EGFLAM: variants seen among roughly 807,000 people sequenced by gnomAD.
EGFLAM encodes EGF like, fibronectin type III and laminin G domains.
In EGFLAM, 79 loss-of-function variants were observed where a neutral mutation model predicts 113.1. The observed-to-expected ratio is 0.70, with a 90% CI of 0.58 to 0.84. The LOEUF is 0.84. EGFLAM is among the 40% of genes least tolerant of loss of function. The pLI is 0.00. For synonymous variants in EGFLAM, 504 were observed against 487.6 expected (o/e 1.03, Z -0.44); for missense variants, 1,265 against 1,291.6 (o/e 0.98, Z 0.32).
At chr5:38,445,380 A>G (rs920336081) in intron 17 of EGFLAM, 1 of 882,764 alleles carries the variant, frequency 1.1e-6, no homozygotes, top group Non-Finnish European at 1.5e-6. Context: ...GGAGCCTCAG[A>G]AGTGTCAGAC....
At chr5:38,435,057 C>G (rs764782433) in intron 15 of EGFLAM, 80 bp from the exon 16 acceptor site, 6 of 1,208,630 alleles carry the variant, frequency 5.0e-6, no homozygotes, top group Non-Finnish European at 6.1e-6. Flanking sequence ...TGTTCCCCAA[C>G]AGGGAACTGA....
At chr5:38,413,603 C>T (rs1246013726) in intron 11 of EGFLAM, among the ~76,000 whole-genome samples, 2 of 152,130 alleles carry the variant, frequency 1.3e-5, no homozygotes, top group Admixed American at 6.5e-5. Context: ...GGATTAGCAG[C>T]CTGCCAGGGA....
chr5:38,338,489 T>C (rs537738666), intron 2 of EGFLAM, among the ~76,000 whole-genome samples: 1 of 152,314 alleles, frequency 6.6e-6, no homozygotes, highest in East Asian at 1.9e-4. Flanking sequence ...TTCATTGATA[T>C]GTGTCTTCCT....
rs565047342 is a variant in EGFLAM, at chr5:38,409,883, G to A, written c.1349+779G>A. The stretch of plus-strand genomic sequence containing the variant: ...TCTTCCTGGGGGGCAGAGTTTTGTC[G>A]AAGGGTGAAGATTTTAATGAGTCTT... On this transcript the variant is annotated intron_variant, in intron 10 of 21. Coordinates refer to ENST00000322350, the MANE Select transcript of EGFLAM (RefSeq NM_152403.4). 5.3e-5 allele frequency among the ~76,000 whole-genome samples: 8 copies of A among 152,236 alleles called. No individual in the cohort carries two copies. In the South Asian group the frequency reaches 6.2e-4, roughly 12 times the overall value.
At chr5:38,354,755 G>T (rs983632014) in intron 5 of EGFLAM, among the ~76,000 whole-genome samples, 12 of 152,260 alleles carry the variant, frequency 7.9e-5, no homozygotes, top group African/African-American at 2.6e-4. Context: ...AGTTTTTTAT[G>T]TTTTTATGGT....
chr5:38,406,908 G>T lies in EGFLAM; in HGVS notation c.909G>T (p.Lys303Asn). ...ESKKMSISNP[K>N]TISRLIPPTS... ...AGAAGATGTCTATATCTAACCCAAAGACCATTTCTAGGCTCATCCCCCCTA... is the reference window on the plus strand; with the variant it reads ...AGAAGATGTCTATATCTAACCCAAATACCATTTCTAGGCTCATCCCCCCTA... The change falls in exon 8 of 22, where the codon AAG (lysine) becomes AAT (asparagine). Residue 303 changes from lysine (K) to asparagine (N), a missense_variant. Physicochemically the swap from Lys to Asn is moderately conservative, Grantham distance 94 (BLOSUM62 0). Transcript: ENST00000322350. 1 of 1,614,202 alleles carries T rather than the reference G, an allele frequency of 6.2e-7. No individual in the cohort carries two copies. The highest frequency in any genetic ancestry group is 8.5e-7 in the Non-Finnish European group (1 of 1,180,046).
chr5:38,375,450 T>C (rs541792339), intron 6 of EGFLAM, among the ~76,000 whole-genome samples: 1 of 152,302 alleles, frequency 6.6e-6, no homozygotes, highest in African/African-American at 2.4e-5. Flanking sequence ...CAACACAATG[T>C]TCAAGGAGAT....
chr5:38,421,769 GGAAGTTAATAT>G, intron 12 of EGFLAM, among the ~76,000 whole-genome samples: 1 of 152,222 alleles, frequency 6.6e-6, no homozygotes. Flanking sequence ...TCTCAGAAGA[GGAAGTTAATAT>G]GAAGCAAGAG....
chr5:38,458,896 G>A (rs749766438), intron 20 of EGFLAM, among the ~76,000 whole-genome samples: 5 of 151,730 alleles, frequency 3.3e-5, no homozygotes, highest in Admixed American at 6.6e-5. Context: ...TGGGAGGACC[G>A]CTTAAGCCTG....
rs1462881759 is a variant in EGFLAM at position 38,258,681 on chromosome 5, C to T, written c.-74C>T. On this transcript the variant is annotated 5_prime_UTR_variant, in exon 1 of 22. Coordinates refer to ENST00000322350, the MANE Select transcript of EGFLAM (RefSeq NM_152403.4). ...CCGGGGATCCGTTGGGGCCGCGTCC[C>T]CCACGCGCCCCCGGAGACGCCCTTT... 17 of 1,509,002 alleles carry T rather than the reference C, an allele frequency of 1.1e-5. No homozygotes were observed. Among genetic ancestry groups the T allele is most frequent in the Non-Finnish European group, 1.5e-5 (17 of 1,107,816 alleles). 93.5% of individuals were successfully genotyped at this position (1,509,002 alleles called of 1,614,324 possible). A position where few individuals can be genotyped will look rare whatever the true frequency, so the allele number is the denominator to read the frequency against.
At chr5:38,310,389 C>G (rs1738400534) in intron 1 of EGFLAM, among the ~76,000 whole-genome samples, 1 of 152,174 alleles carries the variant, frequency 6.6e-6, no homozygotes, top group Admixed American at 6.5e-5. Flanking sequence ...TAACAACCTA[C>G]TACATGAGGT....
chr5:38,333,284 T>C (rs2111931907), intron 1 of EGFLAM, among the ~76,000 whole-genome samples: 1 of 152,344 alleles, frequency 6.6e-6, no homozygotes, highest in South Asian at 2.1e-4. Context: ...GTCTTTATGG[T>C]AGAATGCTTT....
intron 1 of EGFLAM, among the ~76,000 whole-genome samples, chr5:38,302,259 T>C (rs1381427237): frequency 1.3e-5 from 2 of 148,786 alleles, no homozygotes; most frequent in Non-Finnish European, 3.0e-5. Flanking sequence ...AAAAAATCAG[T>C]CTCAATCACA....
At chr5:38,354,632 A>G (rs566502446) in intron 5 of EGFLAM, among the ~76,000 whole-genome samples, 1 of 152,206 alleles carries the variant, frequency 6.6e-6, no homozygotes, top group African/African-American at 2.4e-5. Flanking sequence ...CAGGAGGCTG[A>G]GGCGTGAGAA....
chr5:38,316,014 T>C (rs1054021359), intron 1 of EGFLAM, among the ~76,000 whole-genome samples: 9 of 147,588 alleles, frequency 6.1e-5, no homozygotes, highest in African/African-American at 2.3e-4. Flanking sequence ...CATGCGGAGG[T>C]TGCAATGAGC....
At chr5:38,434,684 G>C (rs1579926812) in intron 15 of EGFLAM, among the ~76,000 whole-genome samples, 1 of 152,290 alleles carries the variant, frequency 6.6e-6, no homozygotes, top group South Asian at 2.1e-4. Context: ...AGGAGAAAAG[G>C]GCATGGTGAA....
At chr5:38,298,924 C>G (rs1758510481) in intron 1 of EGFLAM, among the ~76,000 whole-genome samples, 1 of 152,206 alleles carries the variant, frequency 6.6e-6, no homozygotes, top group African/African-American at 2.4e-5. Context: ...TGGTCTCGAA[C>G]TCCACCTGCC....
chr5:38,381,252 A>G (rs1209960707), intron 6 of EGFLAM, among the ~76,000 whole-genome samples: 1 of 151,832 alleles, frequency 6.6e-6, no homozygotes, highest in Non-Finnish European at 1.5e-5. Context: ...CTTCATTGGG[A>G]TCATTTCTTA....
rs1741514256 is a variant in EGFLAM at position 38,412,521 on chromosome 5, G to A, written c.1367G>A (p.Gly456Glu). Residue 456 changes from glycine (G) to glutamate (E), a missense_variant, in exon 11 of 22, where the codon GGG becomes GAG. Physicochemically the swap from Gly to Glu is moderately conservative, Grantham distance 98 (BLOSUM62 -2). Transcript: ENST00000322350. ...SLQFRFNCGT[G>E]VAIIVSETKI... The stretch of plus-strand genomic sequence containing the variant: ...CCCAACAGGTTTAATTGTGGAACTG[G>A]GGTTGCCATCATCGTAAGTGAGACC... 5 of 1,614,040 alleles carry A rather than the reference G, an allele frequency of 3.1e-6. No individual in the cohort carries two copies. In the South Asian group the frequency reaches 4.4e-5, roughly 14 times the overall value.
Sources: gnomAD v4.1 joint callset for allele counts (sites outside exome capture counted in the v4.1 genomes callset) on GRCh38, gnomAD v4.1.1 for gene constraint, MANE v1.5 for transcripts, NCBI Gene and HGNC (gene_info 2026-07-23, HGNC 2026-07-21) for gene names.